SPTBN1: variants seen among roughly 807,000 people sequenced by gnomAD.
SPTBN1 encodes spectrin beta, non-erythrocytic 1.
Under a neutral mutation model 266.4 loss-of-function variants are expected in SPTBN1, and 32 were observed. The observed-to-expected ratio is 0.12, with a 90% CI of 0.09 to 0.16. The LOEUF is 0.16. Among genes scored for constraint, SPTBN1 ranks in the 10% least tolerant of loss-of-function variants. The pLI, the probability that SPTBN1 is intolerant of heterozygous loss-of-function variation, is 1.00. For missense variants in SPTBN1, 2,296 were observed against 3,067.1 expected, an observed-to-expected ratio of 0.75 and a Z score of 5.94; for synonymous variants, 1,336 against 1,162.2, an observed-to-expected ratio of 1.15 and a Z score of -3.04.
intron 2 of SPTBN1, among the ~76,000 whole-genome samples, chr2:54,537,601 A>C (rs1206229972): frequency 6.6e-6 from 1 of 152,186 alleles, no homozygotes; most frequent in Non-Finnish European, 1.5e-5. Flanking sequence ...GGGGAAAGAG[A>C]CTGGAGTATC....
In SPTBN1 at chr2:54,568,757, T is replaced by C. The variant is rs371270291; in HGVS notation, c.149-30335T>C. ...ACCCTGGGTCAGTTTCTCTAAATTA[T>C]TCCAGAATTTCAGCATGATGTCCTG... On this transcript the variant is annotated intron_variant, in intron 2 of 35. Coordinates refer to ENST00000356805, the MANE Select transcript of SPTBN1 (RefSeq NM_003128.3). 1.3e-3 allele frequency among the ~76,000 whole-genome samples: 197 copies of C among 152,368 alleles called. 4 individuals carry two copies. In the South Asian group the frequency reaches 0.036, roughly 28 times the overall value.
chr2:54,583,421 A>T (rs1219816493), intron 2 of SPTBN1, among the ~76,000 whole-genome samples: 2 of 152,126 alleles, frequency 1.3e-5, no homozygotes, highest in African/African-American at 4.8e-5. Context: ...AACCCCAGTA[A>T]ATCAAGGGTA....
At chr2:54,587,195 A>G (rs1039163050) in intron 2 of SPTBN1, among the ~76,000 whole-genome samples, 5 of 152,218 alleles carry the variant, frequency 3.3e-5, no homozygotes, top group Non-Finnish European at 5.9e-5. Flanking sequence ...ACAAAAGCCT[A>G]CCTTTAGCCC....
At chr2:54,514,762 A>G (rs1040147861) in intron 1 of SPTBN1, among the ~76,000 whole-genome samples, 1 of 152,194 alleles carries the variant, frequency 6.6e-6, no homozygotes, top group Non-Finnish European at 1.5e-5. Context: ...GCAAAACTCT[A>G]ACTGAGACAG....
Position 54,621,408 on chromosome 2 carries a change from G to A in SPTBN1, c.772G>A (p.Val258Met), listed in dbSNP as rs1346058982. 4 of 1,613,044 alleles carry A rather than the reference G, an allele frequency of 2.5e-6. No homozygotes were observed. Among genetic ancestry groups the A allele is most frequent in the South Asian group, 1.1e-5 (1 of 91,034 alleles). Residue 258 changes from valine to methionine, a missense_variant, in exon 8 of 36, where the codon GTG (valine) becomes ATG (methionine). Physicochemically the swap from Val to Met is conservative, Grantham distance 21. This residue lies in a region of SPTBN1 where 178 missense variants were observed against 375.7 expected (regional missense o/e 0.47). Transcript: ENST00000356805. ...TKLLDPEDIS[V>M]DHPDEKSIIT... ...TCTTCTCTGGGTTACAGACATCAGCGTGGACCATCCTGATGAGAAGTCCAT... is the reference window on the plus strand; with the variant it reads ...TCTTCTCTGGGTTACAGACATCAGCATGGACCATCCTGATGAGAAGTCCAT...
At chr2:54,470,616 G>A (rs1002098101) in intron 1 of SPTBN1, among the ~76,000 whole-genome samples, 10 of 152,076 alleles carry the variant, frequency 6.6e-5, no homozygotes, top group African/African-American at 2.4e-4. Flanking sequence ...GGCTTTTTTC[G>A]TTTTTGCCAA....
At chr2:54,492,341 G>GTTTTTTTTTTTT (rs780631106) in intron 1 of SPTBN1, among the ~76,000 whole-genome samples, 10 of 88,392 alleles carry the variant, frequency 1.1e-4, no homozygotes, top group African/African-American at 1.2e-4. Flanking sequence ...GTCTGCAGTT[G>GTTTTTTTTTTTT]TTTTTTTGTT....
At chr2:54,550,938 T>G (rs1672531413) in intron 2 of SPTBN1, among the ~76,000 whole-genome samples, 1 of 152,084 alleles carries the variant, frequency 6.6e-6, no homozygotes, top group Non-Finnish European at 1.5e-5. Flanking sequence ...GACGATGAGA[T>G]TTGCATGTCC....
At chr2:54,616,375 T>A in intron 5 of SPTBN1, 77 bp downstream of exon 5, 4 of 1,276,806 alleles carry the variant, frequency 3.1e-6, no homozygotes, top group South Asian at 1.5e-5. Context: ...TTAGAAGGTG[T>A]TGACAGGTAT....
chr2:54,647,494 C>CAA (rs1369221447), intron 24 of SPTBN1, among the ~76,000 whole-genome samples: 1 of 152,186 alleles, frequency 6.6e-6, no homozygotes, highest in African/African-American at 2.4e-5. Context: ...TCCCGTTGGC[C>CAA]AAGGCTCTCC....
At chr2:54,518,862 A>G (rs148226548) in intron 1 of SPTBN1, among the ~76,000 whole-genome samples, 1 of 152,176 alleles carries the variant, frequency 6.6e-6, no homozygotes, top group South Asian at 2.1e-4. Flanking sequence ...TGTATTCTCT[A>G]TTTGTTGCTT....
chr2:54,608,972 A>G (rs1038132347), intron 3 of SPTBN1, among the ~76,000 whole-genome samples: 1 of 152,192 alleles, frequency 6.6e-6, no homozygotes, highest in African/African-American at 2.4e-5. Context: ...GTGGAAGTGG[A>G]TCATCATAAA....
rs1012410386 is a variant in SPTBN1, at chr2:54,473,572, T to C, written c.-48+17054T>C. 3.9e-5 allele frequency among the ~76,000 whole-genome samples: 6 copies of C among 152,222 alleles called. No homozygotes were observed. In the South Asian group the frequency reaches 1.2e-3, roughly 32 times the overall value. On this transcript the variant is annotated intron_variant, in intron 1 of 35. Transcript: ENST00000356805. ...TGGATAACTGAACTGGTAAATTGTATTGAGGAGAGGTGAACTACAGGCCAC... is the reference window on the plus strand; with the variant it reads ...TGGATAACTGAACTGGTAAATTGTACTGAGGAGAGGTGAACTACAGGCCAC...
At chr2:54,594,203 G>C (rs1166228689) in intron 2 of SPTBN1, among the ~76,000 whole-genome samples, 1 of 151,686 alleles carries the variant, frequency 6.6e-6, no homozygotes, top group Admixed American at 6.6e-5. Context: ...GAGCCAGCCT[G>C]CCTGGAGAGT....
intron 1 of SPTBN1, among the ~76,000 whole-genome samples, chr2:54,503,068 A>G (rs1669356541): frequency 6.6e-6 from 1 of 152,162 alleles, no homozygotes; most frequent in African/African-American, 2.4e-5. Flanking sequence ...GTACATTCTT[A>G]GCCTTCAGTT....
At chr2:54,569,664 A>G (rs745376604) in intron 2 of SPTBN1, among the ~76,000 whole-genome samples, 3 of 152,194 alleles carry the variant, frequency 2.0e-5, no homozygotes, top group Non-Finnish European at 4.4e-5. Context: ...ATTACTTACC[A>G]GTCTGAGAGC....
chr2:54,474,242 C>A (rs12988767), intron 1 of SPTBN1, among the ~76,000 whole-genome samples: 18,202 of 152,216 alleles, frequency 0.12, 1,275 homozygotes, highest in Non-Finnish European at 0.16. Context: ...CTTCAGATGC[C>A]TATAAAGATG....
rs528469612 is a variant in SPTBN1 at position 54,668,715 on chromosome 2, G to T, written c.*146G>T. On this transcript the variant is annotated 3_prime_UTR_variant, in exon 36 of 36. Coordinates refer to ENST00000356805, the MANE Select transcript of SPTBN1 (RefSeq NM_003128.3). The stretch of plus-strand genomic sequence containing the variant: ...TTTTTTAATTTATAGAGCATTTCGG[G>T]GGGGGTGGGGGAAACACACCTAAAC... The T allele has an allele frequency of 2.8e-5, 19 of 684,854 alleles. 1 individual carries two copies. Among genetic ancestry groups the T allele is most frequent in the Non-Finnish European group, 3.9e-5 (17 of 438,750 alleles). 42.4% of individuals were successfully genotyped at this position (684,854 alleles called of 1,614,324 possible).
chr2:54,525,024 C>T (rs1670716013), intron 1 of SPTBN1, among the ~76,000 whole-genome samples: 1 of 152,150 alleles, frequency 6.6e-6, no homozygotes, highest in Non-Finnish European at 1.5e-5. Context: ...ATATAAGCTT[C>T]CCTAGAGCCA....
Sources: allele counts gnomAD v4.1 joint callset (sites outside exome capture counted in the v4.1 genomes callset), GRCh38; gene constraint gnomAD v4.1.1; regional missense constraint gnomAD v4.1.1; transcripts MANE v1.5; gene names NCBI Gene and HGNC (gene_info 2026-07-23, HGNC 2026-07-21).